The following NEDD4 variants were observed in gnomAD, a reference collection of about 807,000 sequenced individuals.
The protein encoded by NEDD4 is E3 ubiquitin-protein ligase NEDD4.
In NEDD4, 99 loss-of-function variants were observed where a neutral mutation model predicts 144.9. The ratio of observed to expected loss-of-function variants is 0.68; its 90% CI spans 0.58 to 0.81. The LOEUF (loss-of-function observed/expected upper bound fraction) is 0.81, where lower values mean the gene tolerates loss of function less well. NEDD4 is among the 30% of genes least tolerant of loss of function. The pLI, the probability that NEDD4 is intolerant of heterozygous loss-of-function variation, is 0.00. For synonymous variants in NEDD4, 318 were observed against 350.6 expected (o/e 0.91, Z 1.04); for missense variants, 985 against 1,065.9 (o/e 0.92, Z 1.06).
intron 5 of NEDD4, among the ~76,000 whole-genome samples, chr15:55,882,786 A>G (rs759896714): frequency 7.2e-5 from 11 of 152,176 alleles, no homozygotes; most frequent in Non-Finnish European, 5.9e-5. Flanking sequence ...TTGCTTAAGA[A>G]GAGTAAAGAG....
intron 4 of NEDD4, among the ~76,000 whole-genome samples, chr15:55,930,263 C>T (rs1159081643): frequency 5.9e-5 from 9 of 152,068 alleles, no homozygotes; most frequent in East Asian, 3.9e-4. Flanking sequence ...CCTACAACAC[C>T]GAAAATATTT....
chr15:55,836,416 G>A (rs1250786554), intron 24 of NEDD4, among the ~76,000 whole-genome samples: 2 of 151,892 alleles, frequency 1.3e-5, no homozygotes, highest in Admixed American at 6.6e-5. Flanking sequence ...CTGGAGTGCA[G>A]TAGTGCCATC....
intron 8 of NEDD4, among the ~76,000 whole-genome samples, chr15:55,864,738 A>C (rs141583170): frequency 6.1e-4 from 93 of 152,216 alleles, no homozygotes; most frequent in African/African-American, 2.2e-3. Context: ...ACAGAAACAT[A>C]AACAAGCAGG....
intron 4 of NEDD4, among the ~76,000 whole-genome samples, chr15:55,945,054 A>G (rs1392014778): frequency 6.6e-6 from 1 of 152,132 alleles, no homozygotes; most frequent in Non-Finnish European, 1.5e-5. Flanking sequence ...CAAGATGGGG[A>G]GAAACCAGAG....
rs901621552 is a variant in NEDD4 at position 55,907,735 on chromosome 15, A to G, written c.291+16911T>C. Reference sequence around the variant, plus strand: ...TAGTCTGAGAATCCCAGCTCTTACAATAAAGTCTAGAGGGAAGTCATTTTA... The same window carrying G: ...TAGTCTGAGAATCCCAGCTCTTACAGTAAAGTCTAGAGGGAAGTCATTTTA... On this transcript the variant is annotated intron_variant, in intron 5 of 28. Transcript: ENST00000435532. Among the ~76,000 whole-genome samples the G allele has an allele frequency of 2.0e-5, 3 of 152,236 alleles. No homozygotes were observed. The East Asian group carries it at 5.8e-4, about 29-fold the overall frequency.
intron 11 of NEDD4, among the ~76,000 whole-genome samples, chr15:55,856,953 G>A (rs2034220119): frequency 6.6e-6 from 1 of 152,180 alleles, no homozygotes; most frequent in Admixed American, 6.5e-5. Flanking sequence ...ACAATCTAAA[G>A]TCTTTCAATA....
intron 1 of NEDD4, among the ~76,000 whole-genome samples, chr15:55,969,715 C>T (rs2037575628): frequency 6.6e-6 from 1 of 152,054 alleles, no homozygotes; most frequent in African/African-American, 2.4e-5. Context: ...GATTTCACTA[C>T]CTGCTGACTA....
intron 1 of NEDD4, among the ~76,000 whole-genome samples, chr15:55,973,631 A>C (rs1196607066): frequency 1.4e-5 from 2 of 147,648 alleles, no homozygotes; most frequent in African/African-American, 2.5e-5. Flanking sequence ...AGGAACTTGG[A>C]AATTAATACA....
chr15:55,973,415 T>G (rs2037644982), intron 1 of NEDD4, among the ~76,000 whole-genome samples: 1 of 151,438 alleles, frequency 6.6e-6, no homozygotes, highest in African/African-American at 2.4e-5. Flanking sequence ...ACAGGCAGAG[T>G]GGTACTCCCA....
chr15:55,984,413 G>T (rs2140450459), intron 1 of NEDD4, among the ~76,000 whole-genome samples: 1 of 152,256 alleles, frequency 6.6e-6, no homozygotes, highest in East Asian at 1.9e-4. Context: ...CAATAATGTT[G>T]TGATGATTAC....
At chr15:55,972,353 T>C (rs568516206) in intron 1 of NEDD4, among the ~76,000 whole-genome samples, 25 of 152,002 alleles carry the variant, frequency 1.6e-4, no homozygotes, top group Non-Finnish European at 2.6e-4. Flanking sequence ...AAGACAAAAA[T>C]AGAAACAATA....
intron 1 of NEDD4, among the ~76,000 whole-genome samples, chr15:55,975,776 A>C (rs1414214654): frequency 6.6e-6 from 1 of 152,226 alleles, no homozygotes; most frequent in African/African-American, 2.4e-5. Context: ...AAACAGAAAA[A>C]ACAATCCTAA....
intron 5 of NEDD4, among the ~76,000 whole-genome samples, chr15:55,912,900 A>C (rs12442991): frequency 0.14 from 21,741 of 152,092 alleles, 1,695 homozygotes; most frequent in East Asian, 0.35. Flanking sequence ...CAACATTATT[A>C]TGGAGATAGA....
chr15:55,879,350 A>G (rs1018767031), intron 5 of NEDD4, among the ~76,000 whole-genome samples: 1 of 152,172 alleles, frequency 6.6e-6, no homozygotes. Context: ...ACTTCCCAGG[A>G]AAGAAAATTC....
intron 2 of NEDD4, among the ~76,000 whole-genome samples, chr15:55,951,820 C>T (rs1458125332): frequency 6.6e-6 from 1 of 151,830 alleles, no homozygotes; most frequent in African/African-American, 2.4e-5. Flanking sequence ...AGAAAGAAAA[C>T]CTTTTAATCA....
chr15:55,944,850 G>A (rs1028333688), intron 4 of NEDD4, among the ~76,000 whole-genome samples: 2 of 152,140 alleles, frequency 1.3e-5, no homozygotes, highest in Non-Finnish European at 2.9e-5. Flanking sequence ...AGCCTCCACT[G>A]GTGATACCCA....
At chr15:55,958,269 T>C (rs1302826149) in intron 2 of NEDD4, among the ~76,000 whole-genome samples, 1 of 152,250 alleles carries the variant, frequency 6.6e-6, no homozygotes, top group Non-Finnish European at 1.5e-5. Flanking sequence ...GCACATTCCA[T>C]GCCAAGTGAA....
rs764689415 is a variant in NEDD4 at position 55,856,111 on chromosome 15, T to C, written c.1026+20A>G. On this transcript the variant is annotated intron_variant, in intron 12 of 28. Transcript: ENST00000435532. ...TGAGTTTTATATTTTTATTGATTGA[T>C]GGGAGAGGGTAAAACTCACCACAGG... The C allele has an allele frequency of 5.0e-6, 8 of 1,595,604 alleles. No individual in the cohort carries two copies. Among genetic ancestry groups the C allele is most frequent in the Admixed American group, 1.7e-5 (1 of 59,950 alleles).
rs566164934 is a variant in NEDD4 at position 55,971,633 on chromosome 15, A to C, written c.46-5087T>G. 9.2e-5 allele frequency among the ~76,000 whole-genome samples: 14 copies of C among 152,206 alleles called. No individual in the cohort carries two copies. The East Asian group carries it at 2.5e-3, about 27-fold the overall frequency. ...CGGTGAGACTCTGTCTCAAAAAAAA[A>C]AAAAAGACTTATTAGCTTTAAAGAG... On this transcript the variant is annotated intron_variant, in intron 1 of 28. Coordinates refer to ENST00000435532, the MANE Select transcript of NEDD4 (RefSeq NM_006154.4).
Sources: allele counts gnomAD v4.1 joint callset (sites outside exome capture counted in the v4.1 genomes callset), GRCh38; gene constraint gnomAD v4.1.1; transcripts MANE v1.5; gene names NCBI Gene and HGNC (gene_info 2026-07-23, HGNC 2026-07-21).